Variants in CIT observed in about 807,000 individuals in gnomAD.
CIT encodes citron Rho-interacting kinase.
CIT carries 79 observed loss-of-function variants against 272.7 expected under a neutral mutation model. That is an observed-to-expected ratio of 0.29 (90% confidence interval 0.24 to 0.35). CIT has a LOEUF of 0.35. CIT is among the 10% of genes least tolerant of loss of function. CIT has a pLI of 1.00. For missense variants in CIT, 1,909 were observed against 2,618.3 expected, an observed-to-expected ratio of 0.73 and a Z score of 5.91; for synonymous variants, 948 against 995.6, an observed-to-expected ratio of 0.95 and a Z score of 0.90.
At chr12:119,778,637 G>A (rs1964006210) in intron 13 of CIT, among the ~76,000 whole-genome samples, 1 of 151,874 alleles carries the variant, frequency 6.6e-6, no homozygotes, top group African/African-American at 2.4e-5. Context: ...ATTGTAGCAG[G>A]TGACGCCCCC....
In CIT at chr12:119,718,473, G is replaced by A. The variant is rs55693477; in HGVS notation, c.4004-64C>T. On this transcript the variant is annotated intron_variant, in intron 31 of 47. Coordinates refer to ENST00000392521, the MANE Select transcript of CIT (RefSeq NM_001206999.2). The surrounding 1 kb of genome is among the most constrained non-coding windows in gnomAD (Gnocchi z 4.8). ...GTCGCCTAGAGGACCAAACTAAGCC[G>A]AATGTCCCTGGGCTATCTTTCAAGG... The A allele has an allele frequency of 5.6e-3, 8,636 of 1,541,168 alleles. 27 individuals carry two copies. The highest frequency in any genetic ancestry group is 6.6e-3 in the Non-Finnish European group (7,521 of 1,138,026).
chr12:119,841,300 G>A (rs1969395430), intron 5 of CIT, among the ~76,000 whole-genome samples: 1 of 151,778 alleles, frequency 6.6e-6, no homozygotes, highest in Admixed American at 6.6e-5. Context: ...TCAACCTCTG[G>A]AGTAGCTCGG....
At chr12:119,785,648 C>T (rs1161538968) in intron 10 of CIT, among the ~76,000 whole-genome samples, 5 of 152,020 alleles carry the variant, frequency 3.3e-5, no homozygotes, top group African/African-American at 9.7e-5. Flanking sequence ...ACTGCAACCT[C>T]GGCTCACTGC....
chr12:119,866,945 TTGACTTC>T (rs1367459938), intron 3 of CIT, among the ~76,000 whole-genome samples: 1 of 152,212 alleles, frequency 6.6e-6, no homozygotes, highest in Admixed American at 6.5e-5. Context: ...CTGTAGTTCC[TTGACTTC>T]TGATTTGGAG....
chr12:119,825,098 C>G, intron 8 of CIT, 67 bp downstream of exon 8: 2 of 1,433,498 alleles, frequency 1.4e-6, no homozygotes, highest in Non-Finnish European at 1.9e-6. Context: ...CCACGCCCAG[C>G]CTCATTCGCA....
At chr12:119,864,575 A>G (rs1950462178) in intron 3 of CIT, among the ~76,000 whole-genome samples, 1 of 152,156 alleles carries the variant, frequency 6.6e-6, no homozygotes, top group African/African-American at 2.4e-5. Context: ...GAGCTCAAAG[A>G]TCTGCCCACC....
chr12:119,799,765 G>C (rs1463728384), intron 10 of CIT, among the ~76,000 whole-genome samples: 2 of 151,598 alleles, frequency 1.3e-5, no homozygotes, highest in East Asian at 3.9e-4. Flanking sequence ...AGGCCCCGGG[G>C]GCTGCATGCA....
At chr12:119,720,617 T>A (rs772747699) in intron 29 of CIT, 32 bp from the exon 30 acceptor site, 2 of 1,472,916 alleles carry the variant, frequency 1.4e-6, no homozygotes, top group Admixed American at 4.0e-5. Context: ...TAACCTCAAA[T>A]CCAGACAGAA....
chr12:119,815,473 G>A (rs561256923), intron 9 of CIT, among the ~76,000 whole-genome samples: 15 of 152,160 alleles, frequency 9.9e-5, no homozygotes, highest in African/African-American at 3.1e-4. Context: ...TTGGGAGGCC[G>A]AGGTGGGCGG....
chr12:119,778,650 C>G (rs7299548), intron 13 of CIT, among the ~76,000 whole-genome samples: 28 of 151,932 alleles, frequency 1.8e-4, no homozygotes, highest in African/African-American at 6.0e-4. Context: ...ACGCCCCCCC[C>G]CCAGAGCATA....
rs2136876078 is a variant in CIT at position 119,686,455 on chromosome 12, A to G, written c.*1777T>C. On this transcript the variant is annotated 3_prime_UTR_variant, in exon 48 of 48. Transcript: ENST00000392521. ...GCCACAGCAGGACATTTGCCAAAGGAGCTACCACATGGAGGTTTGTAGGCG... is the reference window on the plus strand; with the variant it reads ...GCCACAGCAGGACATTTGCCAAAGGGGCTACCACATGGAGGTTTGTAGGCG... The G allele has an allele frequency of 6.6e-6, 1 of 152,380 alleles. No homozygotes were observed. The highest frequency in any genetic ancestry group is 1.5e-5 in the Non-Finnish European group (1 of 68,076). The allele number at this position is 152,380 out of a possible 1,614,324, so 9.4% of individuals were successfully genotyped here.
At chr12:119,747,913 C>T (rs1034420314) in intron 23 of CIT, among the ~76,000 whole-genome samples, 1 of 152,152 alleles carries the variant, frequency 6.6e-6, no homozygotes, top group African/African-American at 2.4e-5. Context: ...TCTGTAATCC[C>T]AGCACTTTGA....
intron 9 of CIT, among the ~76,000 whole-genome samples, chr12:119,805,940 G>A (rs1336509291): frequency 3.9e-5 from 6 of 152,036 alleles, no homozygotes; most frequent in Non-Finnish European, 7.4e-5. Flanking sequence ...TTCAAGGCCA[G>A]CCTGGCCAAC....
At chr12:119,733,770 T>C (rs943491789) in intron 26 of CIT, among the ~76,000 whole-genome samples, 1 of 151,890 alleles carries the variant, frequency 6.6e-6, no homozygotes, top group East Asian at 1.9e-4. Context: ...ATGTCAATAG[T>C]GCCAAGGTTG....
intron 28 of CIT, among the ~76,000 whole-genome samples, chr12:119,722,718 G>T (rs926483769): frequency 6.6e-6 from 1 of 152,286 alleles, no homozygotes; most frequent in East Asian, 1.9e-4. Flanking sequence ...ATACTAGCTT[G>T]CCTCATTGGA....
rs769610985 is a variant in CIT, at chr12:119,713,170, T to C, written c.4579+33A>G. 6.4e-7 allele frequency: 1 copy of C among 1,564,346 alleles called. No homozygotes were observed. Among genetic ancestry groups the C allele is most frequent in the Non-Finnish European group, 8.8e-7 (1 of 1,137,304 alleles). ...ACTGGGGAGACCTGGGTTAGCCACG[T>C]GCAATGACCTTCCCCCTGAATTATT... is the stretch of plus-strand genomic sequence containing the variant. On this transcript the variant is annotated intron_variant, in intron 35 of 47. Coordinates refer to ENST00000392521, the MANE Select transcript of CIT (RefSeq NM_001206999.2). This position sits in a 1 kb window ranked among gnomAD's most constrained non-coding sequence, Gnocchi z 5.2.
At chr12:119,747,653 G>C (rs1215895507) in intron 23 of CIT, among the ~76,000 whole-genome samples, 2 of 151,936 alleles carry the variant, frequency 1.3e-5, no homozygotes, top group Non-Finnish European at 2.9e-5. Context: ...CCAGGAGGTG[G>C]AAGTTGCAGT....
chr12:119,711,089 C>T lies in CIT; in HGVS notation c.4855-469G>A, dbSNP rs368291146. On this transcript the variant is annotated intron_variant, in intron 37 of 47. Coordinates refer to ENST00000392521, the MANE Select transcript of CIT (RefSeq NM_001206999.2). ...CAGAAGCTCGTAAGAAACACAGTCG[C>T]GGGCCTATTGTACACATATTAACAA... 1.0e-5 allele frequency: 14 copies of T among 1,366,696 alleles called. No individual in the cohort carries two copies. In the African/African-American group the frequency reaches 1.0e-4, roughly 10 times the overall value. 84.7% of individuals were successfully genotyped at this position (1,366,696 alleles called of 1,614,324 possible).
chr12:119,706,189 C>T (rs1329140546), intron 40 of CIT, among the ~76,000 whole-genome samples: 3 of 151,828 alleles, frequency 2.0e-5, no homozygotes, highest in Admixed American at 6.6e-5. Context: ...AACAGCAGAA[C>T]GCCAGTAGCC....
Sources: allele counts gnomAD v4.1 joint callset (sites outside exome capture counted in the v4.1 genomes callset), GRCh38; gene constraint gnomAD v4.1.1; non-coding constraint Gnocchi (gnomAD v3.1); transcripts MANE v1.5; gene names NCBI Gene and HGNC (gene_info 2026-07-23, HGNC 2026-07-21).